Variants in AKT3 observed in about 807,000 individuals in gnomAD.
AKT3 encodes the protein AKT serine/threonine kinase 3, also known as RAC-gamma serine/threonine-protein kinase.
AKT3 carries 15 observed loss-of-function variants against 65.3 expected under a neutral mutation model. The observed-to-expected ratio is 0.23, with a 90% CI of 0.15 to 0.35. The LOEUF (loss-of-function observed/expected upper bound fraction) is 0.35, where lower values mean the gene tolerates loss of function less well. Among genes scored for constraint, AKT3 ranks in the 10% least tolerant of loss-of-function variants. The pLI is 1.00. For synonymous variants in AKT3, 206 were observed against 183.8 expected, an observed-to-expected ratio of 1.12 and a Z score of -0.98; for missense variants, 243 against 576.5, an observed-to-expected ratio of 0.42 and a Z score of 5.92.
chr1:243,653,532 C>T (rs1681536135), intron 4 of AKT3, among the ~76,000 whole-genome samples: 1 of 152,122 alleles, frequency 6.6e-6, no homozygotes, highest in Non-Finnish European at 1.5e-5. Context: ...TATGTTCCAT[C>T]CTGATCAATG....
At chr1:243,673,935 T>C (rs901392244) in intron 3 of AKT3, among the ~76,000 whole-genome samples, 20 of 152,284 alleles carry the variant, frequency 1.3e-4, no homozygotes, top group African/African-American at 4.8e-4. Context: ...AAGCTATTTA[T>C]ATTTGAAACA....
chr1:243,545,475 A>G (rs750495582), intron 12 of AKT3, 35 bp downstream of exon 12: 3 of 1,361,616 alleles, frequency 2.2e-6, no homozygotes, highest in African/African-American at 2.9e-5. Context: ...AGTGCAGCCA[A>G]AATATATACA....
chr1:243,526,944 T>C (rs1023461911), intron 12 of AKT3, among the ~76,000 whole-genome samples: 1 of 151,882 alleles, frequency 6.6e-6, no homozygotes, highest in African/African-American at 2.4e-5. Context: ...CTAAAAACCA[T>C]GGAAGTGTAT....
intron 5 of AKT3, among the ~76,000 whole-genome samples, chr1:243,641,889 T>C (rs377195782): frequency 3.3e-5 from 5 of 152,160 alleles, no homozygotes; most frequent in East Asian, 1.9e-4. Context: ...TGAGTCACGA[T>C]TGTGCCACTG....
chr1:243,709,436 CT>C (rs1485746244), intron 2 of AKT3, among the ~76,000 whole-genome samples: 1 of 151,732 alleles, frequency 6.6e-6, no homozygotes, highest in Non-Finnish European at 1.5e-5. Context: ...TTTGTATTTA[CT>C]TTTTCAAAAA....
intron 2 of AKT3, among the ~76,000 whole-genome samples, chr1:243,773,225 T>C (rs993147210): frequency 6.8e-5 from 10 of 147,814 alleles, no homozygotes; most frequent in African/African-American, 2.5e-4. Context: ...TATATATATA[T>C]AAAACAAAAA....
At chr1:243,595,298 T>A (rs550022841) in intron 8 of AKT3, among the ~76,000 whole-genome samples, 8 of 152,334 alleles carry the variant, frequency 5.3e-5, no homozygotes, top group Admixed American at 2.0e-4. Context: ...GATATACCTG[T>A]CTATTGCATT....
chr1:243,795,918 T>C (rs1040944614), intron 2 of AKT3, among the ~76,000 whole-genome samples: 2 of 152,146 alleles, frequency 1.3e-5, no homozygotes, highest in East Asian at 1.9e-4. Context: ...CAAGGGCACA[T>C]AGGGAGAAAA....
intron 2 of AKT3, among the ~76,000 whole-genome samples, chr1:243,697,182 CAAAT>C (rs1371210064): frequency 6.6e-6 from 1 of 151,838 alleles, no homozygotes; most frequent in Non-Finnish European, 1.5e-5. Context: ...TTACATATAA[CAAAT>C]AACATATTTT....
intron 8 of AKT3, among the ~76,000 whole-genome samples, chr1:243,601,854 A>G (rs1205037198): frequency 6.6e-6 from 1 of 152,186 alleles, no homozygotes; most frequent in Non-Finnish European, 1.5e-5. Flanking sequence ...ATATTTAAAT[A>G]CTGTTTTGTG....
At chr1:243,644,557 T>A (rs1680666941) in intron 5 of AKT3, among the ~76,000 whole-genome samples, 1 of 152,202 alleles carries the variant, frequency 6.6e-6, no homozygotes, top group East Asian at 1.9e-4. Flanking sequence ...TTAAAGTGTT[T>A]ATGTAATACG....
chr1:243,537,286 CCTTA>C (rs1672000646), intron 12 of AKT3, among the ~76,000 whole-genome samples: 1 of 152,086 alleles, frequency 6.6e-6, no homozygotes, highest in Non-Finnish European at 1.5e-5. Context: ...GCCCTCTCCT[CCTTA>C]ATCATTTCCA....
At chr1:243,766,102 A>G (rs1311554245) in intron 2 of AKT3, among the ~76,000 whole-genome samples, 1 of 152,190 alleles carries the variant, frequency 6.6e-6, no homozygotes, top group Admixed American at 6.5e-5. Context: ...TAAGTCTGGC[A>G]CAGAGTAAGT....
intron 2 of AKT3, among the ~76,000 whole-genome samples, chr1:243,729,621 G>A (rs1229738428): frequency 1.3e-5 from 2 of 152,014 alleles, no homozygotes; most frequent in Admixed American, 6.6e-5. Flanking sequence ...GAACTGTTAG[G>A]TAAATAATTA....
chr1:243,677,797 A>G (rs1683623200), intron 3 of AKT3, among the ~76,000 whole-genome samples: 1 of 152,136 alleles, frequency 6.6e-6, no homozygotes, highest in African/African-American at 2.4e-5. Flanking sequence ...ATTAAAATCA[A>G]CTATAGAGGG....
chr1:243,687,467 T>C (rs1684401994), intron 3 of AKT3: 1 of 152,184 alleles, frequency 6.6e-6, no homozygotes. Flanking sequence ...GAAACTCAGA[T>C]GATACACATG....
intron 8 of AKT3, among the ~76,000 whole-genome samples, chr1:243,583,164 G>GTATATATATATATATATA (rs1383107055): frequency 2.7e-5 from 2 of 74,908 alleles, no homozygotes; most frequent in African/African-American, 8.5e-5. Context: ...CCATGTATAT[G>GTATATATATATATATATA]TGTGTGTATA....
chr1:243,586,028 A>G (rs1675776038), intron 8 of AKT3, among the ~76,000 whole-genome samples: 1 of 152,214 alleles, frequency 6.6e-6, no homozygotes, highest in East Asian at 1.9e-4. Flanking sequence ...AAACAATTGA[A>G]CAAGCTAAAC....
intron 2 of AKT3, among the ~76,000 whole-genome samples, chr1:243,699,592 T>C (rs1030202090): frequency 2.7e-5 from 4 of 149,574 alleles, no homozygotes; most frequent in Admixed American, 6.7e-5. Flanking sequence ...CTGTTATCAA[T>C]ACCAAAACAA....
Sources: allele counts gnomAD v4.1 joint callset (sites outside exome capture counted in the v4.1 genomes callset), GRCh38; gene constraint gnomAD v4.1.1; transcripts MANE v1.5; gene names NCBI Gene and HGNC (gene_info 2026-07-23, HGNC 2026-07-21).